RGS6: variants seen among roughly 807,000 people sequenced by gnomAD.
The protein encoded by RGS6 is regulator of G protein signaling 6, also known as regulator of G-protein signaling 6.
Under a neutral mutation model 78.5 loss-of-function variants are expected in RGS6, and 30 were observed. The observed-to-expected ratio is 0.38, with a 90% CI of 0.29 to 0.52. The LOEUF is 0.52. Ranked by LOEUF, RGS6 falls within the 20% of genes least tolerant of loss-of-function variation. RGS6 has a pLI of 0.85. For synonymous variants in RGS6, 206 were observed against 206.0 expected, an observed-to-expected ratio of 1.00 and a Z score of 0.00; for missense variants, 495 against 609.7, an observed-to-expected ratio of 0.81 and a Z score of 1.98.
chr14:72,570,325 C>T (rs575013905), downstream of RGS6, among the ~76,000 whole-genome samples: 8 of 152,138 alleles, frequency 5.3e-5, no homozygotes, highest in South Asian at 6.2e-4. Context: ...TTTTGGTATC[C>T]GTGGGAAAAG....
At chr14:72,110,125 A>G (rs2095720527) in intron 2 of RGS6, among the ~76,000 whole-genome samples, 1 of 152,224 alleles carries the variant, frequency 6.6e-6, no homozygotes, top group Non-Finnish European at 1.5e-5. Flanking sequence ...AGGCTTACAC[A>G]ACTATCACCA....
Position 72,059,190 on chromosome 14 carries a change from G to A in RGS6, c.84+94315G>A, listed in dbSNP as rs753213193. ...GCTGGGATTACAGGCGTGAGCCACC[G>A]CGCCTTCCTGCTGTGCTTATTTTCA... is the stretch of plus-strand genomic sequence containing the variant. On this transcript the variant is annotated intron_variant, in intron 2 of 17. Coordinates refer to ENST00000553525, the MANE Select transcript of RGS6 (RefSeq NM_001204424.2). Among the ~76,000 whole-genome samples, 4 of 152,162 alleles carry A rather than the reference G, an allele frequency of 2.6e-5. No individual in the cohort carries two copies. In the East Asian group the frequency reaches 5.8e-4, roughly 22 times the overall value.
chr14:72,133,916 G>T (rs1364925033), intron 2 of RGS6, among the ~76,000 whole-genome samples: 3 of 152,084 alleles, frequency 2.0e-5, no homozygotes, highest in Non-Finnish European at 4.4e-5. Flanking sequence ...TAATGTTATG[G>T]TCTAGACTTC....
chr14:72,411,472 A>G (rs1388814054), intron 3 of RGS6, among the ~76,000 whole-genome samples: 3 of 152,198 alleles, frequency 2.0e-5, no homozygotes. Context: ...TGGAGCTGAG[A>G]TGATGGGGTT....
At chr14:72,438,190 G>A (rs2095028359) in intron 3 of RGS6, among the ~76,000 whole-genome samples, 1 of 152,192 alleles carries the variant, frequency 6.6e-6, no homozygotes, top group African/African-American at 2.4e-5. Context: ...TCACAGAAGA[G>A]TGAAGCTCAG....
At chr14:72,117,947 C>T (rs980658445) in intron 2 of RGS6, among the ~76,000 whole-genome samples, 3 of 152,128 alleles carry the variant, frequency 2.0e-5, no homozygotes. Flanking sequence ...CCCACAGGGA[C>T]CCATGATACT....
chr14:71,909,980 G>A, the RGS6 span, among the ~76,000 whole-genome samples: 1 of 152,078 alleles, frequency 6.6e-6, no homozygotes, highest in African/African-American at 2.4e-5. Context: ...CTGAGCTCAG[G>A]AGTTTGAGAC....
intron 2 of RGS6, among the ~76,000 whole-genome samples, chr14:71,985,831 C>A (rs566230073): frequency 6.6e-6 from 1 of 152,278 alleles, no homozygotes; most frequent in Non-Finnish European, 1.5e-5. Context: ...CTATTTTATT[C>A]TCTATTTGTT....
intron 3 of RGS6, among the ~76,000 whole-genome samples, chr14:72,355,883 T>C (rs182075929): frequency 1.3e-5 from 2 of 152,182 alleles, no homozygotes; most frequent in East Asian, 3.9e-4. Flanking sequence ...TCCTGGAACA[T>C]TGAGGATCTG....
chr14:72,459,192 CCTT>C (rs2095711490), intron 5 of RGS6, among the ~76,000 whole-genome samples: 3 of 152,270 alleles, frequency 2.0e-5, no homozygotes, highest in African/African-American at 4.8e-5. Context: ...ATTTCACACT[CCTT>C]CTCCCAGATC....
intron 3 of RGS6, among the ~76,000 whole-genome samples, chr14:72,417,673 A>C (rs2093920151): frequency 6.6e-6 from 1 of 152,226 alleles, no homozygotes; most frequent in South Asian, 2.1e-4. Context: ...GCAAGCCTGC[A>C]CTTCTGTTTC....
At chr14:72,027,171 CG>C (rs1294482023) in intron 2 of RGS6, among the ~76,000 whole-genome samples, 1 of 151,560 alleles carries the variant, frequency 6.6e-6, no homozygotes, top group Non-Finnish European at 1.5e-5. Flanking sequence ...TCAAGTCCAA[CG>C]GGGAGGCAGG....
intron 2 of RGS6, among the ~76,000 whole-genome samples, chr14:72,224,836 A>G (rs2153799188): frequency 6.6e-6 from 1 of 152,226 alleles, no homozygotes; most frequent in East Asian, 2.0e-4. Context: ...TGCTTCACAA[A>G]GTCAAGTAGC....
chr14:72,313,612 T>G (rs1343554340), intron 2 of RGS6, among the ~76,000 whole-genome samples: 1 of 152,048 alleles, frequency 6.6e-6, no homozygotes, highest in Non-Finnish European at 1.5e-5. Flanking sequence ...AGCCAAGTGA[T>G]TAAGAGAAGC....
At chr14:71,906,685 G>A in the RGS6 span, among the ~76,000 whole-genome samples, 1 of 129,668 alleles carries the variant, frequency 7.7e-6, no homozygotes, top group Non-Finnish European at 1.8e-5. Context: ...TTAACTTAAT[G>A]AGGAAGGGTA....
intron 2 of RGS6, among the ~76,000 whole-genome samples, chr14:72,313,304 C>T (rs2069125527): frequency 6.6e-6 from 1 of 152,202 alleles, no homozygotes; most frequent in African/African-American, 2.4e-5. Context: ...AACAGCAGAG[C>T]ATGAAACCAA....
chr14:72,073,284 A>G (rs752099671), intron 2 of RGS6, among the ~76,000 whole-genome samples: 17 of 152,234 alleles, frequency 1.1e-4, no homozygotes, highest in Non-Finnish European at 1.9e-4. Context: ...GAAACGATGT[A>G]TAACAAAACC....
intron 15 of RGS6, among the ~76,000 whole-genome samples, chr14:72,526,141 T>C (rs947280675): frequency 6.6e-5 from 10 of 151,882 alleles, no homozygotes; most frequent in Non-Finnish European, 1.2e-4. Context: ...TCTTGCTCTG[T>C]CACCCAGGCT....
chr14:72,067,264 G>A (rs925017760), intron 2 of RGS6, among the ~76,000 whole-genome samples: 1 of 152,116 alleles, frequency 6.6e-6, no homozygotes, highest in Non-Finnish European at 1.5e-5. Flanking sequence ...CGAACAATGA[G>A]AACACGTGGA....
Sources: allele counts gnomAD v4.1 joint callset (sites outside exome capture counted in the v4.1 genomes callset), GRCh38; gene constraint gnomAD v4.1.1; transcripts MANE v1.5; gene names NCBI Gene and HGNC (gene_info 2026-07-23, HGNC 2026-07-21).